The following IARS2 variants were observed in gnomAD, a reference collection of about 807,000 sequenced individuals.
The protein encoded by IARS2 is isoleucyl-tRNA synthetase 2, mitochondrial.
Under a neutral mutation model 126.3 loss-of-function variants are expected in IARS2, and 56 were observed. That is an observed-to-expected ratio of 0.44 (90% confidence interval 0.36 to 0.55). The LOEUF is 0.55. Ranked by LOEUF, IARS2 falls within the 20% of genes least tolerant of loss-of-function variation. IARS2 has a pLI of 0.00. For synonymous variants in IARS2, 407 were observed against 441.1 expected, an observed-to-expected ratio of 0.92 and a Z score of 0.97; for missense variants, 1,127 against 1,245.9, an observed-to-expected ratio of 0.90 and a Z score of 1.44.
intron 7 of IARS2, among the ~76,000 whole-genome samples, chr1:220,103,198 G>A (rs1053639933): frequency 2.0e-5 from 3 of 152,044 alleles, no homozygotes; most frequent in African/African-American, 2.4e-5. Context: ...ACAGGCATGC[G>A]CCACCACGCC....
intron 2 of IARS2, among the ~76,000 whole-genome samples, chr1:220,097,976 G>A (rs1656483246): frequency 1.3e-5 from 2 of 152,054 alleles, no homozygotes; most frequent in South Asian, 2.1e-4. Flanking sequence ...CCGGGTTCAC[G>A]CCATTCTCCT....
chr1:220,125,373 T>G (rs1433109227), intron 13 of IARS2, 34 bp downstream of exon 13: 1 of 1,294,192 alleles, frequency 7.7e-7, no homozygotes. Flanking sequence ...AGCCTTTGTA[T>G]GTATTACAGG....
intron 14 of IARS2, among the ~76,000 whole-genome samples, chr1:220,128,256 TG>T (rs1558128143): frequency 4.9e-5 from 1 of 20,406 alleles, no homozygotes; most frequent in Middle Eastern, 0.022. Flanking sequence ...GGTGGGGGGC[TG>T]GGGGGTTGGT....
In IARS2 at chr1:220,147,836, AAT is replaced by A. The variant is rs1477851608; in HGVS notation, c.*208_*209del. The A allele has an allele frequency of 5.2e-6, 3 of 573,556 alleles. No individual in the cohort carries two copies. The highest frequency in any genetic ancestry group is 2.8e-5 in the East Asian group (1 of 36,262). The allele number at this position is 573,556 out of a possible 1,614,324, so 35.5% of individuals were successfully genotyped here. On this transcript the variant is annotated 3_prime_UTR_variant, in exon 23 of 23. Coordinates refer to ENST00000366922, the MANE Select transcript of IARS2 (RefSeq NM_018060.4). ...AGAATTATGTATATATACATGCAGA[AAT>A]ATATATGTGTGTGTGTATCTGTGGA...
At chr1:220,124,696 A>G (rs1185770556) in intron 12 of IARS2, among the ~76,000 whole-genome samples, 1 of 152,242 alleles carries the variant, frequency 6.6e-6, no homozygotes, top group Non-Finnish European at 1.5e-5. Context: ...TCTTGTGCAG[A>G]TGCCTGTAAG....
chr1:220,143,059 C>A lies in IARS2; in HGVS notation c.2676C>A (p.Ser892Arg). ...ACAMRDSFLG[S>R]IPGKNAAEYK... Reference sequence around the variant, plus strand: ...CAATGCGAGACTCATTTCTTGGAAGCATCCCTGGCAAAAATGCAGCTGAGT... The same window carrying A: ...CAATGCGAGACTCATTTCTTGGAAGAATCCCTGGCAAAAATGCAGCTGAGT... The change falls in exon 21 of 23, where the codon AGC becomes AGA. Residue 892 changes from serine (S) to arginine (R), a missense_variant. Transcript: ENST00000366922. 3.1e-6 allele frequency: 5 copies of A among 1,614,124 alleles called. No individual in the cohort carries two copies. The highest frequency in any genetic ancestry group is 4.2e-6 in the Non-Finnish European group (5 of 1,179,988).
At chr1:220,140,052 T>A in intron 18 of IARS2, 131 bp from the exon 19 acceptor site, 1 of 661,390 alleles carries the variant, frequency 1.5e-6, no homozygotes, top group Non-Finnish European at 2.7e-6. Flanking sequence ...TCCCAGGAGT[T>A]CTTGCATATT....
intron 1 of IARS2, among the ~76,000 whole-genome samples, chr1:220,095,282 T>G (rs1363801234): frequency 6.6e-6 from 1 of 152,062 alleles, no homozygotes; most frequent in Non-Finnish European, 1.5e-5. Context: ...CAAGTGATCT[T>G]CCCGCCTCGG....
chr1:220,140,803 T>C (rs1657473625), intron 19 of IARS2, among the ~76,000 whole-genome samples: 1 of 151,828 alleles, frequency 6.6e-6, no homozygotes, highest in African/African-American at 2.4e-5. Context: ...GCTAACACAG[T>C]GAAACCCCGT....
At chr1:220,133,546 G>A (rs868748998) in intron 14 of IARS2, among the ~76,000 whole-genome samples, 5 of 152,090 alleles carry the variant, frequency 3.3e-5, no homozygotes, top group Admixed American at 6.6e-5. Flanking sequence ...AGGACATAAG[G>A]ACAAATCATA....
intron 1 of IARS2, among the ~76,000 whole-genome samples, chr1:220,095,809 A>G (rs1656427005): frequency 6.6e-6 from 1 of 152,230 alleles, no homozygotes; most frequent in Non-Finnish European, 1.5e-5. Context: ...GGGAGTGATG[A>G]AAGAATGCCC....
In IARS2 at chr1:220,110,769, T is replaced by C; in HGVS notation, c.1328-17T>C. 1 of 1,503,892 alleles carries C rather than the reference T, an allele frequency of 6.6e-7. No homozygotes were observed. The highest frequency in any genetic ancestry group is 9.1e-7 in the Non-Finnish European group (1 of 1,097,728). 93.2% of individuals were successfully genotyped at this position (1,503,892 alleles called of 1,614,324 possible). On this transcript the variant is annotated splice_polypyrimidine_tract_variant and intron_variant, in intron 10 of 22. Coordinates refer to ENST00000366922, the MANE Select transcript of IARS2 (RefSeq NM_018060.4). ...TACTTTTTAATTATGTCTAATTTGG[T>C]GTTTTTTTTTTTAAAGTTATAAAGA...
In IARS2 at chr1:220,141,634, C is replaced by T. The variant is rs146345863; in HGVS notation, c.2415-169C>T. 0.019 allele frequency among the ~76,000 whole-genome samples: 2,858 copies of T among 152,262 alleles called. 41 individuals are homozygous for T. The highest frequency in any genetic ancestry group is 0.025 in the Non-Finnish European group (1,704 of 68,018). On this transcript the variant is annotated intron_variant, in intron 19 of 22. Coordinates refer to ENST00000366922, the MANE Select transcript of IARS2 (RefSeq NM_018060.4). The stretch of plus-strand genomic sequence containing the variant: ...ATGAGTGCTTTCAAGGAGGTGGGTA[C>T]ACCTGGACGGAGTAAAATTGTAGGA...
chr1:220,137,724 T>A (rs2102839197), intron 16 of IARS2, 194 bp from the exon 17 acceptor site: 1 of 567,984 alleles, frequency 1.8e-6, no homozygotes, highest in Non-Finnish European at 3.1e-6. Flanking sequence ...CAGAGCACGC[T>A]CTTTCTTTTT....
intron 21 of IARS2, 47 bp downstream of exon 21, chr1:220,143,181 C>T (rs777989765): frequency 7.1e-7 from 1 of 1,418,144 alleles, no homozygotes; most frequent in Admixed American, 2.0e-5. Flanking sequence ...TATCATAGAG[C>T]TTTGCCTGAA....
At chr1:220,138,821 T>C (rs1333392987) in intron 17 of IARS2, among the ~76,000 whole-genome samples, 187 bp from the exon 18 acceptor site, 1 of 152,220 alleles carries the variant, frequency 6.6e-6, no homozygotes, top group Admixed American at 6.5e-5. Context: ...ATAACTGGGC[T>C]ATTGGAATAA....
chr1:220,124,880 A>G (rs1337120995), intron 12 of IARS2, among the ~76,000 whole-genome samples: 3 of 152,236 alleles, frequency 2.0e-5, no homozygotes, highest in Non-Finnish European at 4.4e-5. Flanking sequence ...TTGGACTGAT[A>G]CAGTGTCAGT....
At chr1:220,135,652 G>C (rs1363892165) in intron 15 of IARS2, among the ~76,000 whole-genome samples, 1 of 151,934 alleles carries the variant, frequency 6.6e-6, no homozygotes, top group Non-Finnish European at 1.5e-5. Flanking sequence ...GAGCCCCCAC[G>C]CCTGGCCCTT....
chr1:220,111,318 G>A (rs545978377), intron 11 of IARS2, among the ~76,000 whole-genome samples: 1 of 152,146 alleles, frequency 6.6e-6, no homozygotes, highest in Non-Finnish European at 1.5e-5. Flanking sequence ...AAGGAAATTC[G>A]AGTTTCCAGA....
Sources: gnomAD v4.1 joint callset for allele counts (sites outside exome capture counted in the v4.1 genomes callset) on GRCh38, gnomAD v4.1.1 for gene constraint, MANE v1.5 for transcripts, NCBI Gene and HGNC (gene_info 2026-07-23, HGNC 2026-07-21) for gene names.